The following GNB1L variants were observed in gnomAD, a reference collection of about 807,000 sequenced individuals.
The protein encoded by GNB1L is guanine nucleotide-binding protein subunit beta-like protein 1.
Under a neutral mutation model 29.1 loss-of-function variants are expected in GNB1L, and 20 were observed. The ratio of observed to expected loss-of-function variants is 0.69; its 90% confidence interval spans 0.48 to 1.00. The LOEUF is 1.00. GNB1L is among the 50% of genes least tolerant of loss of function. GNB1L has a pLI of 0.00. For missense variants in GNB1L, 421 were observed against 464.9 expected (o/e 0.91, Z 0.87); for synonymous variants, 193 against 206.5 (o/e 0.93, Z 0.56).
chr22:19,848,923 A>G, intron 2 of GNB1L: 2 of 985,508 alleles, frequency 2.0e-6, no homozygotes, highest in Non-Finnish European at 2.4e-6. Flanking sequence ...TAGGCTGTCC[A>G]TCCTAGAGAG....
intron 2 of GNB1L, chr22:19,846,113 G>A (rs1022508484): frequency 1.3e-5 from 2 of 150,956 alleles, no homozygotes; most frequent in African/African-American, 2.5e-5. Context: ...AATAGGTTAT[G>A]CTGTGGAAAA....
intron 2 of GNB1L, among the ~76,000 whole-genome samples, chr22:19,836,721 T>C (rs189123263): frequency 2.6e-5 from 4 of 152,316 alleles, no homozygotes; most frequent in Admixed American, 1.3e-4. Flanking sequence ...AAGAATACAC[T>C]GGAGCCAACT....
At chr22:19,840,928 C>T (rs1351957638) in intron 2 of GNB1L, among the ~76,000 whole-genome samples, 1 of 152,178 alleles carries the variant, frequency 6.6e-6, no homozygotes, top group Non-Finnish European at 1.5e-5. Context: ...ACAACAAATC[C>T]CGGTGGAGGA....
At chr22:19,848,448 G>A in intron 2 of GNB1L, 1 of 985,458 alleles carries the variant, frequency 1.0e-6, no homozygotes, top group Non-Finnish European at 1.2e-6. Context: ...CTGAAAGCAG[G>A]TGCTGCAGCA....
chr22:19,800,581 C>T (rs1355881181), intron 7 of GNB1L, among the ~76,000 whole-genome samples: 1 of 152,194 alleles, frequency 6.6e-6, no homozygotes, highest in Non-Finnish European at 1.5e-5. Flanking sequence ...GAACGGGCAT[C>T]ATGATGATGA....
intron 4 of GNB1L, among the ~76,000 whole-genome samples, chr22:19,819,974 CACA>C (rs1174421481): frequency 1.3e-5 from 2 of 152,170 alleles, no homozygotes; most frequent in African/African-American, 4.8e-5. Flanking sequence ...CCGTATGTGG[CACA>C]ACATCAGGGG....
intron 4 of GNB1L, among the ~76,000 whole-genome samples, chr22:19,818,047 C>T (rs1212019999): frequency 1.3e-5 from 2 of 152,226 alleles, no homozygotes; most frequent in African/African-American, 4.8e-5. Context: ...CACAGCTGAG[C>T]ACAGGCCGGG....
At chr22:19,844,680 G>A (rs981813821) in intron 2 of GNB1L, among the ~76,000 whole-genome samples, 4 of 152,192 alleles carry the variant, frequency 2.6e-5, no homozygotes, top group Non-Finnish European at 4.4e-5. Flanking sequence ...GATGTCCGTC[G>A]CCCCAGGAGC....
At chr22:19,848,895 A>G (rs1426156849) in intron 2 of GNB1L, 7 of 985,308 alleles carry the variant, frequency 7.1e-6, no homozygotes, top group Non-Finnish European at 3.6e-6. Flanking sequence ...GGGACAGGGT[A>G]AAGGTCAGCT....
chr22:19,831,997 G>A (rs1215469374), intron 2 of GNB1L, among the ~76,000 whole-genome samples: 1 of 152,110 alleles, frequency 6.6e-6, no homozygotes, highest in Non-Finnish European at 1.5e-5. Flanking sequence ...CTCTCTCTCA[G>A]GCTGACTGCA....
intron 5 of GNB1L, 55 bp from the exon 6 acceptor site, chr22:19,806,812 T>C (rs773494317): frequency 3.0e-5 from 37 of 1,233,294 alleles, no homozygotes; most frequent in Non-Finnish European, 4.2e-5. Context: ...GTCTGCGCTA[T>C]ACAAACAAGA....
intron 2 of GNB1L, chr22:19,846,346 C>A: frequency 1.2e-6 from 1 of 866,864 alleles, no homozygotes; most frequent in Non-Finnish European, 1.4e-6. Flanking sequence ...TTGTACCCCC[C>A]AGGTAGGGAA....
chr22:19,826,298 T>A (rs1937619342), intron 2 of GNB1L, among the ~76,000 whole-genome samples: 1 of 152,152 alleles, frequency 6.6e-6, no homozygotes. Flanking sequence ...CACACCACCT[T>A]GAGAGATCCC....
chr22:19,852,594 C>CGTCAGA, intron 2 of GNB1L: 1 of 294,658 alleles, frequency 3.4e-6, no homozygotes, highest in Non-Finnish European at 6.3e-6. Flanking sequence ...CAACTAGGAG[C>CGTCAGA]TTTGAATGGA....
rs759557690 is a variant in GNB1L at position 19,788,698 on chromosome 22, G to C, written c.*11C>G. On this transcript the variant is annotated 3_prime_UTR_variant, in exon 8 of 8. Coordinates refer to ENST00000329517, the MANE Select transcript of GNB1L (RefSeq NM_053004.3). The stretch of plus-strand genomic sequence containing the variant: ...CCGCCCTCCTCGTCTCCCGGGAAGG[G>C]AGTGGGTGAGTCATGCGCGTGGGTA... 3.7e-6 allele frequency: 6 copies of C among 1,611,462 alleles called. No individual in the cohort carries two copies. In the African/African-American group the frequency reaches 8.0e-5, roughly 22 times the overall value.
intron 2 of GNB1L, chr22:19,851,107 G>A (rs187087220): frequency 1.9e-5 from 28 of 1,507,530 alleles, no homozygotes; most frequent in Middle Eastern, 1.8e-4. Context: ...ACTATGGGGC[G>A]CTCAAGCCAC....
chr22:19,853,649 C>T (rs929236943), intron 2 of GNB1L, among the ~76,000 whole-genome samples: 1 of 152,128 alleles, frequency 6.6e-6, no homozygotes, highest in African/African-American at 2.4e-5. Context: ...AGCACTAGAA[C>T]CTGCCAGGGC....
At chr22:19,831,011 T>A (rs565427449) in intron 2 of GNB1L, among the ~76,000 whole-genome samples, 367 of 152,258 alleles carry the variant, frequency 2.4e-3, no homozygotes, top group African/African-American at 8.5e-3. Context: ...GGGATCCATA[T>A]GTAAAAAATA....
chr22:19,800,362 G>T (rs963795277), intron 7 of GNB1L, among the ~76,000 whole-genome samples: 4 of 152,176 alleles, frequency 2.6e-5, no homozygotes, highest in Non-Finnish European at 1.5e-5. Context: ...AAGCTGTCTG[G>T]GTCTTCAGCG....
Sources: allele counts gnomAD v4.1 joint callset (sites outside exome capture counted in the v4.1 genomes callset), GRCh38; gene constraint gnomAD v4.1.1; transcripts MANE v1.5; gene names NCBI Gene and HGNC (gene_info 2026-07-23, HGNC 2026-07-21).